The following PALM2AKAP2 variants were observed in gnomAD, a reference collection of about 807,000 sequenced individuals.
The protein encoded by PALM2AKAP2 is PALM2-AKAP2 fusion protein.
Under a neutral mutation model 71.5 loss-of-function variants are expected in PALM2AKAP2, and 37 were observed. The observed-to-expected ratio is 0.52, with a 90% CI of 0.40 to 0.68. PALM2AKAP2 has a LOEUF of 0.68. PALM2AKAP2 is among the 30% of genes least tolerant of loss of function. The probability of loss-of-function intolerance (pLI) is 0.00; values close to 1 mark genes in which losing one functional copy is unlikely to be tolerated. For missense variants in PALM2AKAP2, 1,224 were observed against 1,191.8 expected, an observed-to-expected ratio of 1.03 and a Z score of -0.40; for synonymous variants, 468 against 478.8, an observed-to-expected ratio of 0.98 and a Z score of 0.29.
chr9:109,698,560 T>A (rs147577124), intron 1 of PALM2AKAP2, among the ~76,000 whole-genome samples: 3,277 of 152,282 alleles, frequency 0.022, 66 homozygotes, highest in Non-Finnish European at 0.03. Flanking sequence ...ATTATAGGCG[T>A]GAGCCACCAC....
intron 1 of PALM2AKAP2, among the ~76,000 whole-genome samples, chr9:109,675,570 A>C (rs975018167): frequency 7.9e-5 from 12 of 152,136 alleles, no homozygotes; most frequent in African/African-American, 2.9e-4. Flanking sequence ...CTACATATTA[A>C]CAAAATGTCT....
At chr9:109,810,429 G>C (rs777310288) in intron 1 of PALM2AKAP2, among the ~76,000 whole-genome samples, 2 of 152,134 alleles carry the variant, frequency 1.3e-5, no homozygotes, top group Admixed American at 6.5e-5. Flanking sequence ...TCTAGAAAGG[G>C]GCAGTGACCA....
At chr9:109,998,977 G>T (rs1832628791) in intron 6 of PALM2AKAP2, among the ~76,000 whole-genome samples, 1 of 152,116 alleles carries the variant, frequency 6.6e-6, no homozygotes, top group South Asian at 2.1e-4. Context: ...CCCACTGTGT[G>T]CCAGCCCAGA....
intron 1 of PALM2AKAP2, among the ~76,000 whole-genome samples, chr9:109,825,549 C>T (rs1032146688): frequency 1.3e-5 from 2 of 152,126 alleles, no homozygotes; most frequent in Admixed American, 6.6e-5. Flanking sequence ...AACAAGTGGG[C>T]GAAGGATATG....
At chr9:109,823,933 G>A (rs1204424144) in intron 1 of PALM2AKAP2, among the ~76,000 whole-genome samples, 1 of 152,148 alleles carries the variant, frequency 6.6e-6, no homozygotes, top group Admixed American at 6.5e-5. Flanking sequence ...CTGGCGCCCA[G>A]GCTGGGGTGC....
At chr9:109,763,427 T>A in intron 1 of PALM2AKAP2, among the ~76,000 whole-genome samples, 1 of 152,218 alleles carries the variant, frequency 6.6e-6, no homozygotes, top group Non-Finnish European at 1.5e-5. Flanking sequence ...CTAACTTCTC[T>A]GTGCCTCAGT....
intron 1 of PALM2AKAP2, among the ~76,000 whole-genome samples, chr9:110,104,227 C>G (rs983492857): frequency 6.6e-6 from 1 of 151,964 alleles, no homozygotes; most frequent in Non-Finnish European, 1.5e-5. Flanking sequence ...TCAATCTGGT[C>G]GCAAACTGGA....
At chr9:110,024,786 TAA>T (rs77237793) in intron 7 of PALM2AKAP2, 5,930 of 547,140 alleles carry the variant, frequency 0.011, no homozygotes, top group East Asian at 0.023. Flanking sequence ...GACCCTGTCT[TAA>T]AAAAAAAAAA....
At chr9:110,071,805 G>A (rs1834213706) in intron 1 of PALM2AKAP2, among the ~76,000 whole-genome samples, 1 of 152,152 alleles carries the variant, frequency 6.6e-6, no homozygotes, top group South Asian at 2.1e-4. Flanking sequence ...GCCTGAGGGT[G>A]ATTTGGGAGA....
At chr9:110,152,046 G>A (rs1192484262) in intron 2 of PALM2AKAP2, among the ~76,000 whole-genome samples, 1 of 152,166 alleles carries the variant, frequency 6.6e-6, no homozygotes, top group Non-Finnish European at 1.5e-5. Context: ...AGACCAGCCT[G>A]GCCAACATGG....
intron 1 of PALM2AKAP2, among the ~76,000 whole-genome samples, chr9:109,671,352 G>C (rs1827569018): frequency 6.6e-6 from 1 of 152,040 alleles, no homozygotes; most frequent in African/African-American, 2.4e-5. Context: ...ACCATTTATT[G>C]AATAGAGATT....
At chr9:109,783,468 T>C (rs1826874995) in intron 1 of PALM2AKAP2, among the ~76,000 whole-genome samples, 1 of 152,034 alleles carries the variant, frequency 6.6e-6, no homozygotes, top group African/African-American at 2.4e-5. Context: ...CCAGCTAATT[T>C]TTAAATTTTT....
At chr9:109,711,643 G>T (rs1175050276) in intron 1 of PALM2AKAP2, among the ~76,000 whole-genome samples, 1 of 152,232 alleles carries the variant, frequency 6.6e-6, no homozygotes, top group Non-Finnish European at 1.5e-5. Flanking sequence ...AGAGCTGGGA[G>T]TCCAGCAACT....
At chr9:109,888,153 G>A (rs1221945497) in intron 3 of PALM2AKAP2, among the ~76,000 whole-genome samples, 4 of 152,122 alleles carry the variant, frequency 2.6e-5, no homozygotes, top group South Asian at 4.2e-4. Flanking sequence ...AAACCTCTGC[G>A]GGAAACAGTG....
intron 2 of PALM2AKAP2, among the ~76,000 whole-genome samples, chr9:109,878,501 A>C (rs114961526): frequency 1.3e-5 from 2 of 152,348 alleles, no homozygotes; most frequent in African/African-American, 4.8e-5. Flanking sequence ...GATCTCTACA[A>C]ACAATGATTT....
chr9:110,143,455 G>A (rs996498208), intron 2 of PALM2AKAP2, among the ~76,000 whole-genome samples: 3 of 146,332 alleles, frequency 2.1e-5, no homozygotes, highest in African/African-American at 7.6e-5. Flanking sequence ...AATAAAGGAA[G>A]CACCTTTGCA....
intron 1 of PALM2AKAP2, among the ~76,000 whole-genome samples, chr9:110,095,953 A>C (rs10980195): frequency 0.22 from 33,991 of 152,172 alleles, 5,121 homozygotes; most frequent in African/African-American, 0.42. Flanking sequence ...TTAATTGTGC[A>C]ACATTGTTCA....
chr9:109,849,036 G>C (rs1828937925), intron 1 of PALM2AKAP2, among the ~76,000 whole-genome samples: 1 of 152,136 alleles, frequency 6.6e-6, no homozygotes, highest in Non-Finnish European at 1.5e-5. Context: ...AGATTAACAG[G>C]ATTGACTCCA....
chr9:109,911,187 G>A (rs1244068366), intron 3 of PALM2AKAP2, among the ~76,000 whole-genome samples: 1 of 152,142 alleles, frequency 6.6e-6, no homozygotes, highest in African/African-American at 2.4e-5. Flanking sequence ...ACATTTTTAG[G>A]GGGAAAAGGA....
Sources: gnomAD v4.1 joint callset for allele counts (sites outside exome capture counted in the v4.1 genomes callset) on GRCh38, gnomAD v4.1.1 for gene constraint, MANE v1.5 for transcripts, NCBI Gene and HGNC (gene_info 2026-07-23, HGNC 2026-07-21) for gene names.